Variants in KLHL29 observed in about 807,000 individuals in gnomAD.
KLHL29 encodes the protein kelch-like protein 29.
A neutral mutation model predicts 80.4 loss-of-function variants in KLHL29; 21 were observed. The ratio of observed to expected loss-of-function variants is 0.26; its 90% CI spans 0.19 to 0.38. The LOEUF is 0.38. Ranked by LOEUF, KLHL29 falls within the 10% of genes least tolerant of loss-of-function variation. The pLI is 1.00. For missense variants in KLHL29, 867 were observed against 1,223.9 expected (o/e 0.71, Z 4.35); for synonymous variants, 511 against 526.8 (o/e 0.97, Z 0.41).
intron 3 of KLHL29, among the ~76,000 whole-genome samples, chr2:23,578,293 T>C (rs1272391823): frequency 6.6e-6 from 1 of 152,148 alleles, no homozygotes; most frequent in Non-Finnish European, 1.5e-5. Flanking sequence ...AGCGATGGGA[T>C]TAGGAGCCCA....
chr2:23,599,992 G>T (rs1405839872), intron 3 of KLHL29, among the ~76,000 whole-genome samples: 1 of 152,166 alleles, frequency 6.6e-6, no homozygotes, highest in Non-Finnish European at 1.5e-5. Context: ...GCATACACAC[G>T]TGCAGGAGAT....
At chr2:23,436,060 C>G (rs1031755735) in intron 1 of KLHL29, among the ~76,000 whole-genome samples, 1 of 152,146 alleles carries the variant, frequency 6.6e-6, no homozygotes, top group Admixed American at 6.5e-5. Context: ...TCCAACTCCT[C>G]TTAAAGTATA....
intron 1 of KLHL29, among the ~76,000 whole-genome samples, chr2:23,465,770 C>T (rs1261210300): frequency 6.6e-6 from 1 of 152,190 alleles, no homozygotes; most frequent in Non-Finnish European, 1.5e-5. Flanking sequence ...CACCACCTTC[C>T]TCCAGGACCC....
chr2:23,588,858 C>G (rs576982476), intron 3 of KLHL29, among the ~76,000 whole-genome samples: 65 of 152,274 alleles, frequency 4.3e-4, no homozygotes, highest in African/African-American at 1.3e-3. Context: ...CAGAGCTCTC[C>G]GGTTAAGCCT....
intron 5 of KLHL29, among the ~76,000 whole-genome samples, chr2:23,646,000 ATCTT>A (rs937342798): frequency 2.4e-4 from 37 of 152,298 alleles, no homozygotes; most frequent in Admixed American, 9.2e-4. Flanking sequence ...TACAAGACAA[ATCTT>A]TCTTTCTCTA....
Position 23,503,103 on chromosome 2 carries a change from T to G in KLHL29, c.-46+27436T>G, listed in dbSNP as rs566116571. Among the ~76,000 whole-genome samples, 1 of 152,362 alleles carries G rather than the reference T, an allele frequency of 6.6e-6. No homozygotes were observed. Among genetic ancestry groups the G allele is most frequent in the East Asian group, 1.9e-4 (1 of 5,186 alleles). On this transcript the variant is annotated intron_variant, in intron 2 of 13. Transcript: ENST00000486442. The surrounding 1 kb of genome is among the most constrained non-coding windows in gnomAD (Gnocchi z 4.0). The stretch of plus-strand genomic sequence containing the variant: ...GTTTGAATGTCGTAGTTGTGCCCTT[T>G]GTAAAATTACCCCAGGGCATGATAA...
At chr2:23,654,702 G>GGGT (rs1670190060) in intron 5 of KLHL29, among the ~76,000 whole-genome samples, 1 of 114,814 alleles carries the variant, frequency 8.7e-6, no homozygotes, top group Admixed American at 9.1e-5. Flanking sequence ...AGGTTGGGGG[G>GGGT]GGGGGGTGGA....
chr2:23,469,407 T>C (rs1664436244), intron 1 of KLHL29, among the ~76,000 whole-genome samples: 1 of 152,098 alleles, frequency 6.6e-6, no homozygotes, highest in South Asian at 2.1e-4. Context: ...CCTCATGGGG[T>C]TCGTGTGGCA....
At chr2:23,479,596 T>A (rs1307377433) in intron 2 of KLHL29, among the ~76,000 whole-genome samples, 2 of 152,180 alleles carry the variant, frequency 1.3e-5, no homozygotes, top group East Asian at 3.9e-4. Context: ...GACTCCCAGA[T>A]GGCACCTCTG....
chr2:23,616,501 C>T (rs1334817658), intron 3 of KLHL29: 6 of 152,184 alleles, frequency 3.9e-5, no homozygotes, highest in African/African-American at 1.4e-4. Context: ...GAGGTGACTT[C>T]GGGCTTTTTA....
At chr2:23,502,421 A>G (rs1332861901) in intron 2 of KLHL29, among the ~76,000 whole-genome samples, 4 of 152,068 alleles carry the variant, frequency 2.6e-5, no homozygotes, top group African/African-American at 4.8e-5. Flanking sequence ...CCCGGGAGGG[A>G]GTCGGGTGTT....
In KLHL29 at chr2:23,669,680, C is replaced by A. The variant is rs545516783; in HGVS notation, c.941-14719C>A. Among the ~76,000 whole-genome samples the A allele has an allele frequency of 3.3e-5, 5 of 152,262 alleles. No individual in the cohort carries two copies. The highest frequency in any genetic ancestry group is 2.6e-4 in the Admixed American group (4 of 15,302). On this transcript the variant is annotated intron_variant, in intron 5 of 13. Coordinates refer to ENST00000486442, the MANE Select transcript of KLHL29 (RefSeq NM_052920.2). This position sits in a 1 kb window ranked among gnomAD's most constrained non-coding sequence, Gnocchi z 4.3. The stretch of plus-strand genomic sequence containing the variant: ...TGTGTTCACGTAGGGGATGGTCCCC[C>A]CTCTGTGTGGCTGCCCTGCCACCCC...
chr2:23,502,847 C>T (rs1038452645), intron 2 of KLHL29, among the ~76,000 whole-genome samples: 5 of 152,226 alleles, frequency 3.3e-5, no homozygotes, highest in African/African-American at 4.8e-5. Context: ...AGCCAGGCTG[C>T]AGTGTGGTCC....
intron 2 of KLHL29, chr2:23,524,328 G>A (rs917480269): frequency 3.0e-5 from 6 of 200,126 alleles, no homozygotes; most frequent in African/African-American, 1.1e-4. Flanking sequence ...GCCTTGGCTC[G>A]GAGGGGCTCA....
At chr2:23,391,247 T>C (rs1280663716) in intron 1 of KLHL29, among the ~76,000 whole-genome samples, 2 of 152,142 alleles carry the variant, frequency 1.3e-5, no homozygotes, top group African/African-American at 4.8e-5. Flanking sequence ...CTTTTTAAGG[T>C]TGAATAATAT....
At chr2:23,390,650 C>CTTT (rs70941576) in intron 1 of KLHL29, among the ~76,000 whole-genome samples, 29 of 120,220 alleles carry the variant, frequency 2.4e-4, no homozygotes, top group African/African-American at 3.9e-4. Context: ...ACCATCTTTA[C>CTTT]TTTTTTTTTT....
intron 3 of KLHL29, among the ~76,000 whole-genome samples, chr2:23,619,980 G>T (rs889259394): frequency 6.6e-6 from 1 of 152,240 alleles, no homozygotes; most frequent in Non-Finnish European, 1.5e-5. Context: ...TGTGGGGCAT[G>T]CTGGGGAACC....
intron 5 of KLHL29, among the ~76,000 whole-genome samples, chr2:23,657,729 C>A (rs1670285137): frequency 6.6e-6 from 1 of 152,198 alleles, no homozygotes; most frequent in African/African-American, 2.4e-5. Flanking sequence ...CTCCTCACCC[C>A]CTGGGCCCAG....
At chr2:23,666,814 C>T (rs1466719812) in intron 5 of KLHL29, among the ~76,000 whole-genome samples, 1 of 152,260 alleles carries the variant, frequency 6.6e-6, no homozygotes, top group Admixed American at 6.5e-5. Flanking sequence ...GAGGTAAAGG[C>T]AGCCCGACCC....
Sources: allele counts gnomAD v4.1 joint callset (sites outside exome capture counted in the v4.1 genomes callset), GRCh38; gene constraint gnomAD v4.1.1; non-coding constraint Gnocchi (gnomAD v3.1); transcripts MANE v1.5; gene names NCBI Gene and HGNC (gene_info 2026-07-23, HGNC 2026-07-21).